DHX29: variants seen among roughly 807,000 people sequenced by gnomAD.
DHX29 encodes ATP-dependent RNA helicase DHX29.
In DHX29, 79 loss-of-function variants were observed where a neutral mutation model predicts 167.9. The ratio of observed to expected loss-of-function variants is 0.47; its 90% confidence interval spans 0.39 to 0.57. The LOEUF (loss-of-function observed/expected upper bound fraction) is 0.57. DHX29 is among the 20% of genes least tolerant of loss of function. The pLI, the probability that DHX29 is intolerant of heterozygous loss-of-function variation, is 0.00. For missense variants in DHX29, 1,347 were observed against 1,593.4 expected (o/e 0.85, Z 2.63); for synonymous variants, 530 against 546.0 (o/e 0.97, Z 0.41).
At chr5:55,276,975 G>T (rs1747145668) in intron 13 of DHX29, 131 bp downstream of exon 13, 1 of 601,068 alleles carries the variant, frequency 1.7e-6, no homozygotes, top group Non-Finnish European at 2.9e-6. Flanking sequence ...TTAAGGCTGT[G>T]TCCAGCTCCT....
chr5:55,273,354 G>C lies in DHX29; in HGVS notation c.2714C>G (p.Ser905Cys), dbSNP rs1442983968. The change falls in exon 17 of 27, where the codon TCT becomes TGT. Residue 905 changes from serine (S) to cysteine (C), a missense_variant. Physicochemically the swap from Ser to Cys is moderately radical, Grantham distance 112 (BLOSUM62 -1). Transcript: ENST00000251636. ...AGCTTGATCTTGGGTTGAAAGAATA[G>C]AATGCAGAGCTATCACTTTATATCT... ...SERYKVIALHSILSTQDQAAA... is the reference protein window; with the variant it reads ...SERYKVIALHCILSTQDQAAA... 2 of 1,590,638 alleles carry C rather than the reference G, an allele frequency of 1.3e-6. No individual in the cohort carries two copies. The highest frequency in any genetic ancestry group is 1.7e-6 in the Non-Finnish European group (2 of 1,164,828).
chr5:55,270,309 A>G, intron 20 of DHX29, 103 bp downstream of exon 20: 2 of 1,302,410 alleles, frequency 1.5e-6, no homozygotes, highest in Non-Finnish European at 2.1e-6. Context: ...AGAGTAAAAA[A>G]GTTGAAAATC....
chr5:55,270,570 T>A lies in DHX29; in HGVS notation c.2993+8A>T. The stretch of plus-strand genomic sequence containing the variant: ...TATGTGTTTTACATTTCCAGTGCTA[T>A]GCCATACCTTTCTCTTGTGTACATT... On this transcript the variant is annotated splice_region_variant and intron_variant, in intron 19 of 26. Transcript: ENST00000251636. 1 of 1,614,162 alleles carries A rather than the reference T, an allele frequency of 6.2e-7. No individual in the cohort carries two copies. Among genetic ancestry groups the A allele is most frequent in the African/African-American group, 1.3e-5 (1 of 75,054 alleles).
chr5:55,288,808 G>A (rs918699277), intron 8 of DHX29, among the ~76,000 whole-genome samples: 5 of 152,132 alleles, frequency 3.3e-5, no homozygotes, highest in Non-Finnish European at 7.4e-5. Context: ...CAAGATGAGC[G>A]AAGTAATGAA....
chr5:55,299,397 C>A (rs1054862321), intron 1 of DHX29, among the ~76,000 whole-genome samples: 3 of 152,040 alleles, frequency 2.0e-5, no homozygotes, highest in African/African-American at 7.3e-5. Flanking sequence ...GGTGGGAGTT[C>A]CTATCATCTT....
chr5:55,298,745 A>G, intron 1 of DHX29, 81 bp from the exon 2 acceptor site: 1 of 732,676 alleles, frequency 1.4e-6, no homozygotes, highest in South Asian at 1.6e-5. Flanking sequence ...AATGCTAAAT[A>G]TTAGGCCGGG....
At chr5:55,273,208 A>T (rs1746938548) in intron 17 of DHX29, 85 bp downstream of exon 17, 12 of 1,385,942 alleles carry the variant, frequency 8.7e-6, no homozygotes, top group Non-Finnish European at 1.1e-5. Context: ...AATGTTAACA[A>T]CTGTCTTTGA....
intron 17 of DHX29, 89 bp from the exon 18 acceptor site, chr5:55,272,264 TA>T: frequency 2.4e-6 from 2 of 817,500 alleles, no homozygotes; most frequent in South Asian, 3.6e-5. Context: ...TGATGAAATT[TA>T]AAAACTGAAT....
chr5:55,298,251 G>T (rs1362511165), intron 2 of DHX29, among the ~76,000 whole-genome samples: 1 of 152,158 alleles, frequency 6.6e-6, no homozygotes, highest in Non-Finnish European at 1.5e-5. Context: ...CACGGATTTA[G>T]AAGAACAAAT....
chr5:55,273,868 T>C (rs538590401), intron 16 of DHX29, among the ~76,000 whole-genome samples: 14 of 151,828 alleles, frequency 9.2e-5, no homozygotes, highest in Non-Finnish European at 1.9e-4. Flanking sequence ...GGGCAGATCA[T>C]CTAAGGTCAG....
intron 17 of DHX29, among the ~76,000 whole-genome samples, chr5:55,272,866 GCT>G (rs1235393334): frequency 7.2e-5 from 11 of 152,102 alleles, no homozygotes; most frequent in African/African-American, 2.2e-4. Flanking sequence ...TGTTGTCCTG[GCT>G]CTGTTACTTA....
chr5:55,301,713 CAAA>C (rs70992777), intron 1 of DHX29, among the ~76,000 whole-genome samples: 1 of 64,740 alleles, frequency 1.5e-5, no homozygotes, highest in Admixed American at 1.9e-4. Flanking sequence ...AACTCCATCT[CAAA>C]AAAAAAAAAA....
At chr5:55,283,004 C>A (rs1367008194) in intron 11 of DHX29, 199 bp downstream of exon 11, 27 of 428,542 alleles carry the variant, frequency 6.3e-5, no homozygotes, top group Middle Eastern at 6.2e-4. Flanking sequence ...AATGACAGAA[C>A]TCTACTGATA....
At chr5:55,277,560 G>T (rs936253979) in intron 12 of DHX29, among the ~76,000 whole-genome samples, 2 of 152,116 alleles carry the variant, frequency 1.3e-5, no homozygotes, top group Non-Finnish European at 2.9e-5. Flanking sequence ...TTGCAAATCA[G>T]ATCAGATGTA....
chr5:55,295,339 C>A (rs1748259730), intron 5 of DHX29, 40 bp downstream of exon 5: 1 of 1,479,796 alleles, frequency 6.8e-7, no homozygotes, highest in African/African-American at 1.4e-5. Context: ...GTGCTCCATT[C>A]TGATTTTATA....
At position 55,307,288 on chromosome 5, in the gene DHX29, T is replaced by C. The variant is rs1748922707; in HGVS notation, c.187+99A>G. On this transcript the variant is annotated intron_variant, in intron 1 of 26. Transcript: ENST00000251636. ...CAGCTCGAGTGTTGGGAAATAGAAA[T>C]GTTGGGCCCGAAGCTCCTCCCGGGT... 3.0e-6 allele frequency: 3 copies of C among 1,009,652 alleles called. No homozygotes were observed. In the Admixed American group the frequency reaches 8.0e-5, roughly 27 times the overall value. 62.5% of individuals were successfully genotyped at this position (1,009,652 alleles called of 1,614,324 possible). A position where few individuals can be genotyped will look rare whatever the true frequency, so the allele number is the denominator to read the frequency against.
chr5:55,269,243 CAAAAAAAA>C, intron 21 of DHX29, among the ~76,000 whole-genome samples, 162 bp downstream of exon 21: 1 of 72,682 alleles, frequency 1.4e-5, no homozygotes, highest in East Asian at 3.4e-4. Flanking sequence ...GACCCTGTCT[CAAAAAAAA>C]AAAAAAAAAA....
At chr5:55,296,162 A>C (rs184800093) in intron 4 of DHX29, 58 bp downstream of exon 4, 1 of 1,536,444 alleles carries the variant, frequency 6.5e-7, no homozygotes, top group Admixed American at 2.0e-5. Context: ...GGTTGATACA[A>C]ATACCAAAAC....
Position 55,281,487 on chromosome 5 carries a change from A to T in DHX29, c.1994T>A (p.Met665Lys), listed in dbSNP as rs745687413. The change falls in exon 12 of 27, where the codon ATG becomes AAG. Residue 665 changes from methionine (M) to lysine (K), a missense_variant. Around this residue, in one of 3 missense-constraint regions of DHX29, gnomAD observed 882 missense variants for 1,082.4 expected, o/e 0.81. Coordinates refer to ENST00000251636, the MANE Select transcript of DHX29 (RefSeq NM_019030.4). ...GGTAGATTCACAAGCTCGAGATTCC[A>T]TCCGGATCTGATATCCACACAAGGA... Reference protein sequence around the residue: ...RNSLCGYQIRMESRACESTRL... With the variant: ...RNSLCGYQIRKESRACESTRL... The T allele has an allele frequency of 6.3e-7, 1 of 1,599,130 alleles. No homozygotes were observed. The highest frequency in any genetic ancestry group is 1.1e-5 in the South Asian group (1 of 88,502).
Sources: allele counts gnomAD v4.1 joint callset (sites outside exome capture counted in the v4.1 genomes callset), GRCh38; gene constraint gnomAD v4.1.1; regional missense constraint gnomAD v4.1.1; transcripts MANE v1.5; gene names NCBI Gene and HGNC (gene_info 2026-07-23, HGNC 2026-07-21).